Variants in EIF3H observed in about 807,000 individuals in gnomAD.
The protein encoded by EIF3H is eIF-3-gamma.
In EIF3H, 26 loss-of-function variants were observed where a neutral mutation model predicts 44.2. The ratio of observed to expected loss-of-function variants is 0.59; its 90% CI spans 0.43 to 0.82. The LOEUF is 0.82. EIF3H is among the 40% of genes least tolerant of loss of function. The pLI is 0.00. For synonymous variants in EIF3H, 166 were observed against 151.9 expected, an observed-to-expected ratio of 1.09 and a Z score of -0.68; for missense variants, 359 against 432.8, an observed-to-expected ratio of 0.83 and a Z score of 1.51.
chr8:116,714,983 G>A (rs1052659282), intron 2 of EIF3H, among the ~76,000 whole-genome samples: 1 of 152,030 alleles, frequency 6.6e-6, no homozygotes, highest in African/African-American at 2.4e-5. Context: ...TGAGAAGGAA[G>A]GTGAGATTTG....
intron 2 of EIF3H, among the ~76,000 whole-genome samples, chr8:116,705,491 AC>A (rs1227970298): frequency 5.5e-4 from 69 of 126,564 alleles, no homozygotes; most frequent in African/African-American, 1.9e-3. Context: ...AACATGTTAC[AC>A]CCCCCCCCAC....
intron 2 of EIF3H, among the ~76,000 whole-genome samples, chr8:116,665,824 C>G (rs753077353): frequency 2.6e-5 from 4 of 152,160 alleles, no homozygotes; most frequent in Non-Finnish European, 5.9e-5. Flanking sequence ...GCTGCACATA[C>G]GTTTCAGGCA....
At chr8:116,752,732 G>A (rs1440248754) in intron 1 of EIF3H, among the ~76,000 whole-genome samples, 2 of 108,998 alleles carry the variant, frequency 1.8e-5, no homozygotes, top group East Asian at 7.1e-4. Flanking sequence ...AAGAAAGAAA[G>A]AAGAGAAAGA....
intron 2 of EIF3H, among the ~76,000 whole-genome samples, chr8:116,677,427 T>A (rs1349608547): frequency 6.6e-6 from 1 of 152,258 alleles, no homozygotes; most frequent in Non-Finnish European, 1.5e-5. Flanking sequence ...TATGTTCTAA[T>A]GTGGCTGGAT....
chr8:116,648,670 A>G lies in EIF3H; in HGVS notation c.828+136T>C, dbSNP rs531294218. The G allele has an allele frequency of 4.7e-6, 5 of 1,071,116 alleles. No homozygotes were observed. The Admixed American group carries it at 1.9e-4, about 40-fold the overall frequency. The allele number at this position is 1,071,116 out of a possible 1,614,324, so 66.4% of individuals were successfully genotyped here. Reference sequence around the variant, plus strand: ...GTTACAAACATGCCATAAAAATAATAATCTTTTAAAAATATAATATAGAGT... The same window carrying G: ...GTTACAAACATGCCATAAAAATAATGATCTTTTAAAAATATAATATAGAGT... On this transcript the variant is annotated intron_variant, in intron 6 of 7. Coordinates refer to ENST00000521861, the MANE Select transcript of EIF3H (RefSeq NM_003756.3).
At chr8:116,759,455 G>T (rs1815492540), upstream of EIF3H, among the ~76,000 whole-genome samples, 1 of 152,170 alleles carries the variant, frequency 6.6e-6, no homozygotes, top group South Asian at 2.1e-4. Flanking sequence ...CCCAGTAAAA[G>T]TCAGGCTGTG....
intron 1 of EIF3H, among the ~76,000 whole-genome samples, chr8:116,741,403 T>C (rs1461413416): frequency 6.6e-6 from 1 of 152,254 alleles, no homozygotes; most frequent in Admixed American, 6.5e-5. Flanking sequence ...ACACGATGTT[T>C]TGAATCTGCA....
At chr8:116,734,544 C>T (rs1250797247) in intron 1 of EIF3H, among the ~76,000 whole-genome samples, 3 of 152,032 alleles carry the variant, frequency 2.0e-5, no homozygotes, top group Non-Finnish European at 4.4e-5. Context: ...AATAATAACC[C>T]CACCTACTGG....
At chr8:116,682,393 C>T (rs1020945907) in intron 2 of EIF3H, among the ~76,000 whole-genome samples, 1 of 152,152 alleles carries the variant, frequency 6.6e-6, no homozygotes, top group African/African-American at 2.4e-5. Flanking sequence ...TCATGCCTTC[C>T]TTTCCAAGCA....
At chr8:116,759,555 A>C (rs1316600244), upstream of EIF3H, among the ~76,000 whole-genome samples, 3 of 152,136 alleles carry the variant, frequency 2.0e-5, no homozygotes, top group African/African-American at 7.2e-5. Flanking sequence ...CAGTAAAATG[A>C]GTCAGGACAC....
chr8:116,730,924 G>C (rs1814940960), intron 1 of EIF3H, among the ~76,000 whole-genome samples: 1 of 152,144 alleles, frequency 6.6e-6, no homozygotes, highest in Non-Finnish European at 1.5e-5. Flanking sequence ...TTTTACATAA[G>C]GAAACAAAGA....
intron 2 of EIF3H, among the ~76,000 whole-genome samples, chr8:116,664,960 A>G (rs1316184719): frequency 1.3e-5 from 2 of 152,184 alleles, no homozygotes; most frequent in Middle Eastern, 3.2e-3. Flanking sequence ...ACTTCCTGCT[A>G]AGTGTTCCAC....
intron 2 of EIF3H, among the ~76,000 whole-genome samples, chr8:116,690,550 T>C (rs1381990663): frequency 6.6e-6 from 1 of 151,876 alleles, no homozygotes; most frequent in Non-Finnish European, 1.5e-5. Flanking sequence ...AACAAAACAA[T>C]TTGAAAAGAA....
Position 116,642,729 on chromosome 8 carries a change from T to A in EIF3H, c.*2277A>T, listed in dbSNP as rs1813239605. Reference sequence around the variant, plus strand: ...ATATTTATAGAAGATGAATCACATGTATTTGTTCCTGAAAAATGTCAGAAT... The same window carrying A: ...ATATTTATAGAAGATGAATCACATGAATTTGTTCCTGAAAAATGTCAGAAT... On this transcript the variant is annotated 3_prime_UTR_variant, in exon 8 of 8. Transcript: ENST00000521861. 2.6e-5 allele frequency: 4 copies of A among 152,228 alleles called. No individual in the cohort carries two copies. The South Asian group carries it at 8.3e-4, about 31-fold the overall frequency. 9.4% of individuals were successfully genotyped at this position (152,228 alleles called of 1,614,324 possible). A position where few individuals can be genotyped will look rare whatever the true frequency, so the allele number is the denominator to read the frequency against.
intron 2 of EIF3H, among the ~76,000 whole-genome samples, chr8:116,679,394 G>T (rs1250633299): frequency 1.5e-5 from 1 of 67,738 alleles, no homozygotes; most frequent in Non-Finnish European, 4.5e-5. Flanking sequence ...CAGCCGCCCC[G>T]TCCGGGAGGG....
chr8:116,737,285 T>C, intron 1 of EIF3H: 1 of 437,588 alleles, frequency 2.3e-6, no homozygotes, highest in South Asian at 1.6e-5. Flanking sequence ...TGAAGGCATT[T>C]CCCTGGGGAA....
chr8:116,648,837 T>C lies in EIF3H; in HGVS notation c.797A>G (p.Asn266Ser). The C allele has an allele frequency of 6.2e-7, 1 of 1,609,248 alleles. No individual in the cohort carries two copies. Among genetic ancestry groups the C allele is most frequent in the Non-Finnish European group, 8.5e-7 (1 of 1,177,862 alleles). ...TTTCTGCTGCTGTTGTTTACTAGTATTCCTCATGTATGTGTTGTATTTAAC... is the reference window on the plus strand; with the variant it reads ...TTTCTGCTGCTGTTGTTTACTAGTACTCCTCATGTATGTGTTGTATTTAAC... ...DIVKYNTYMRNTSKQQQQKHQ... is the reference protein window; with the variant it reads ...DIVKYNTYMRSTSKQQQQKHQ... Residue 266 changes from asparagine to serine, a missense_variant, in exon 6 of 8, where the codon AAT (asparagine) becomes AGT (serine). Transcript: ENST00000521861.
intron 2 of EIF3H, among the ~76,000 whole-genome samples, chr8:116,678,060 C>G (rs1371972452): frequency 1.3e-5 from 2 of 152,072 alleles, no homozygotes; most frequent in East Asian, 3.9e-4. Flanking sequence ...GACGGTACTG[C>G]TGCCATCTCG....
rs200018892 is a variant in EIF3H at position 116,642,270 on chromosome 8, G to T, written c.*2736C>A. On this transcript the variant is annotated 3_prime_UTR_variant, in exon 8 of 8. Transcript: ENST00000521861. ...AGCTGATACAAGTTTTCTAAAGGATGTTAAAAAACTATAGTATGAAGAATG... is the reference window on the plus strand; with the variant it reads ...AGCTGATACAAGTTTTCTAAAGGATTTTAAAAAACTATAGTATGAAGAATG... The T allele has an allele frequency of 7.2e-5, 11 of 152,112 alleles. No individual in the cohort carries two copies. Among genetic ancestry groups the T allele is most frequent in the Non-Finnish European group, 1.3e-4 (9 of 68,008 alleles). 9.4% of individuals were successfully genotyped at this position (152,112 alleles called of 1,614,324 possible). A position where few individuals can be genotyped will look rare whatever the true frequency, so the allele number is the denominator to read the frequency against.
Sources: allele counts gnomAD v4.1 joint callset (sites outside exome capture counted in the v4.1 genomes callset), GRCh38; gene constraint gnomAD v4.1.1; transcripts MANE v1.5; gene names NCBI Gene and HGNC (gene_info 2026-07-23, HGNC 2026-07-21).